The following ZMAT4 variants were observed in gnomAD, a reference collection of about 807,000 sequenced individuals.
ZMAT4 encodes zinc finger matrin-type 4.
ZMAT4 carries 17 observed loss-of-function variants against 28.7 expected under a neutral mutation model. The ratio of observed to expected loss-of-function variants is 0.59; its 90% CI spans 0.41 to 0.89. The LOEUF is 0.89. Among genes scored for constraint, ZMAT4 ranks in the 40% least tolerant of loss-of-function variants. The pLI is 0.00. For missense variants in ZMAT4, 240 were observed against 283.8 expected (o/e 0.85, Z 1.11); for synonymous variants, 117 against 109.2 (o/e 1.07, Z -0.44).
At chr8:40,596,748 T>A (rs1346210268) in intron 5 of ZMAT4, among the ~76,000 whole-genome samples, 1 of 152,216 alleles carries the variant, frequency 6.6e-6, no homozygotes, top group Non-Finnish European at 1.5e-5. Context: ...TTTGTCTACT[T>A]GCTAAAATGT....
chr8:40,851,073 T>A (rs903571354), intron 1 of ZMAT4, among the ~76,000 whole-genome samples: 1 of 152,190 alleles, frequency 6.6e-6, no homozygotes, highest in Admixed American at 6.5e-5. Flanking sequence ...ACATCTGTAA[T>A]CCCAGCACTT....
At chr8:40,660,121 C>T (rs905124976) in intron 5 of ZMAT4, among the ~76,000 whole-genome samples, 2 of 152,112 alleles carry the variant, frequency 1.3e-5, no homozygotes, top group African/African-American at 4.8e-5. Flanking sequence ...AAAATAGGTT[C>T]CAAATTCAAG....
intron 1 of ZMAT4, among the ~76,000 whole-genome samples, chr8:40,881,665 A>T (rs1818279365): frequency 6.6e-6 from 1 of 152,226 alleles, no homozygotes; most frequent in African/African-American, 2.4e-5. Context: ...AGCAATACTT[A>T]GGAGCAACTG....
At chr8:40,729,024 C>T (rs1354047245) in intron 3 of ZMAT4, among the ~76,000 whole-genome samples, 1 of 152,218 alleles carries the variant, frequency 6.6e-6, no homozygotes, top group African/African-American at 2.4e-5. Flanking sequence ...TTCTTTCCTT[C>T]CCATTGAGGA....
intron 5 of ZMAT4, among the ~76,000 whole-genome samples, chr8:40,599,554 TC>T (rs1397044438): frequency 1.3e-5 from 2 of 152,174 alleles, no homozygotes; most frequent in Non-Finnish European, 2.9e-5. Context: ...AAGTTTCTCC[TC>T]CCCTTGGTAA....
chr8:40,735,233 T>A (rs1482419209), intron 3 of ZMAT4, among the ~76,000 whole-genome samples: 1 of 152,248 alleles, frequency 6.6e-6, no homozygotes, highest in Non-Finnish European at 1.5e-5. Context: ...AGACATGAGA[T>A]ACCCATTACT....
intron 4 of ZMAT4, among the ~76,000 whole-genome samples, chr8:40,676,693 C>A (rs1308608205): frequency 6.6e-6 from 1 of 151,918 alleles, no homozygotes; most frequent in East Asian, 1.9e-4. Flanking sequence ...TTTTCTTTAT[C>A]CAGAGATTTC....
At chr8:40,847,690 C>A (rs946817709) in intron 1 of ZMAT4, among the ~76,000 whole-genome samples, 7 of 152,140 alleles carry the variant, frequency 4.6e-5, no homozygotes, top group African/African-American at 1.7e-4. Flanking sequence ...ACTCCTTCCC[C>A]CCTAAATTTC....
chr8:40,587,783 A>G (rs1341908481), intron 5 of ZMAT4, among the ~76,000 whole-genome samples: 1 of 152,112 alleles, frequency 6.6e-6, no homozygotes. Flanking sequence ...TATTTACATT[A>G]CATATAAATG....
chr8:40,778,175 G>C (rs1042296552), intron 2 of ZMAT4, among the ~76,000 whole-genome samples: 1 of 152,228 alleles, frequency 6.6e-6, no homozygotes, highest in Non-Finnish European at 1.5e-5. Context: ...TGAACAAAGA[G>C]ATTCTCCATC....
rs1195346713 is a variant in ZMAT4, at chr8:40,601,454, A to AAGGG, written c.578-20197_578-20194dup. Among the ~76,000 whole-genome samples, 34 of 88,736 alleles carry AAGGG rather than the reference A, an allele frequency of 3.8e-4. 2 individuals are homozygous for AAGGG. Among genetic ancestry groups the AAGGG allele is most frequent in the African/African-American group, 1.2e-3 (28 of 23,558 alleles). 58.2% of individuals were successfully genotyped at this position (88,736 alleles called of 152,430 possible). ...GAAGGAAGGAAGGAAGGAAGGAAGG[A>AAGGG]AGGGAGGAAGAAAGGAAAGAAAGAA... is the stretch of plus-strand genomic sequence containing the variant. On this transcript the variant is annotated intron_variant, in intron 5 of 6. Coordinates refer to ENST00000297737, the MANE Select transcript of ZMAT4 (RefSeq NM_024645.3).
intron 3 of ZMAT4, among the ~76,000 whole-genome samples, chr8:40,737,225 T>A (rs1811805355): frequency 6.6e-6 from 1 of 152,208 alleles, no homozygotes; most frequent in Non-Finnish European, 1.5e-5. Context: ...GATTTTTTTT[T>A]TTAGCTCGTC....
intron 5 of ZMAT4, among the ~76,000 whole-genome samples, chr8:40,643,154 A>C (rs1807125078): frequency 6.6e-6 from 1 of 152,160 alleles, no homozygotes. Flanking sequence ...TTAACCAAGC[A>C]CATGTCTGTG....
intron 5 of ZMAT4, among the ~76,000 whole-genome samples, chr8:40,665,431 A>G (rs1377663979): frequency 6.6e-6 from 1 of 152,086 alleles, no homozygotes; most frequent in Non-Finnish European, 1.5e-5. Flanking sequence ...TGTACATTCT[A>G]GGGGCCTCTC....
In ZMAT4 at chr8:40,638,698, T is replaced by C. The variant is rs181613210; in HGVS notation, c.577+36006A>G. On this transcript the variant is annotated intron_variant, in intron 5 of 6. Coordinates refer to ENST00000297737, the MANE Select transcript of ZMAT4 (RefSeq NM_024645.3). ...AATTTTACATCTGTCAGGCTGTGCCTGCATGTGAAGGCCTCAGAAAAAGTT... is the reference window on the plus strand; with the variant it reads ...AATTTTACATCTGTCAGGCTGTGCCCGCATGTGAAGGCCTCAGAAAAAGTT... Among the ~76,000 whole-genome samples, 281 of 152,346 alleles carry C rather than the reference T, an allele frequency of 1.8e-3. 7 individuals are homozygous for C. The highest frequency in any genetic ancestry group is 0.017 in the Admixed American group (262 of 15,306).
chr8:40,792,863 T>C (rs933490276), intron 2 of ZMAT4, among the ~76,000 whole-genome samples: 4 of 151,596 alleles, frequency 2.6e-5, no homozygotes, highest in Non-Finnish European at 5.9e-5. Context: ...AGAGGCTGCA[T>C]CCTATATGAT....
intron 2 of ZMAT4, among the ~76,000 whole-genome samples, chr8:40,779,803 C>G (rs1813756083): frequency 2.0e-5 from 3 of 152,192 alleles, no homozygotes; most frequent in African/African-American, 7.2e-5. Context: ...AGAAACCAGA[C>G]TGAGTGAGCT....
chr8:40,852,666 G>A (rs917450514), intron 1 of ZMAT4, among the ~76,000 whole-genome samples: 3 of 152,172 alleles, frequency 2.0e-5, no homozygotes, highest in African/African-American at 7.2e-5. Context: ...TGAACTTTTT[G>A]TACTCCATTG....
intron 2 of ZMAT4, among the ~76,000 whole-genome samples, chr8:40,821,433 C>T (rs926534716): frequency 1.2e-5 from 1 of 80,656 alleles, no homozygotes; most frequent in Non-Finnish European, 2.8e-5. Flanking sequence ...GTGTTCTTAA[C>T]GCTTAGCAAG....
Sources: gnomAD v4.1 joint callset for allele counts (sites outside exome capture counted in the v4.1 genomes callset) on GRCh38, gnomAD v4.1.1 for gene constraint, MANE v1.5 for transcripts, NCBI Gene and HGNC (gene_info 2026-07-23, HGNC 2026-07-21) for gene names.